CSMD1: variants seen among roughly 807,000 people sequenced by gnomAD.
The protein encoded by CSMD1 is CUB and Sushi multiple domains 1.
A neutral mutation model predicts 417.5 loss-of-function variants in CSMD1; 213 were observed. The observed-to-expected ratio is 0.51, with a 90% confidence interval of 0.46 to 0.57. The LOEUF is 0.57. Ranked by LOEUF, CSMD1 falls within the 20% of genes least tolerant of loss-of-function variation. The pLI is 0.00. For synonymous variants in CSMD1, 2,862 were observed against 1,736.8 expected, an observed-to-expected ratio of 1.65 and a Z score of -16.11; for missense variants, 6,923 against 4,529.7, an observed-to-expected ratio of 1.53 and a Z score of -15.17.
intron 28 of CSMD1, among the ~76,000 whole-genome samples, chr8:3,220,956 C>T (rs149732895): frequency 5.5e-4 from 84 of 152,272 alleles, no homozygotes; most frequent in African/African-American, 1.6e-3. Context: ...ATTTACAAAG[C>T]TCCTACTCCC....
intron 1 of CSMD1, among the ~76,000 whole-genome samples, chr8:4,852,455 T>C (rs1172768099): frequency 2.6e-5 from 4 of 152,168 alleles, no homozygotes; most frequent in Non-Finnish European, 2.9e-5. Context: ...CATGATTGAA[T>C]GCTTGATGAG....
At chr8:3,057,644 C>T (rs997119167) in intron 49 of CSMD1, among the ~76,000 whole-genome samples, 1 of 152,138 alleles carries the variant, frequency 6.6e-6, no homozygotes, top group Non-Finnish European at 1.5e-5. Context: ...GACTTTCTTA[C>T]AGATAAAGTT....
At chr8:3,632,282 T>C (rs975851751) in intron 7 of CSMD1, among the ~76,000 whole-genome samples, 1 of 152,194 alleles carries the variant, frequency 6.6e-6, no homozygotes, top group Non-Finnish European at 1.5e-5. Flanking sequence ...ACAGTGTTGG[T>C]TGGAGGCATT....
Position 4,902,444 on chromosome 8 carries a change from AAAG to A in CSMD1, c.85+91885_85+91887del, listed in dbSNP as rs1489702483. Among the ~76,000 whole-genome samples, 25 of 150,586 alleles carry A rather than the reference AAAG, an allele frequency of 1.7e-4. No individual in the cohort carries two copies. The East Asian group carries it at 4.9e-3, about 29-fold the overall frequency. On this transcript the variant is annotated intron_variant, in intron 1 of 69. Coordinates refer to ENST00000635120, the MANE Select transcript of CSMD1 (RefSeq NM_033225.6). ...CATCTCTAAAGAGGAGAAAAAAAAA[AAAG>A]AAAGGAAACTACTCTATAATCTTTT... is the stretch of plus-strand genomic sequence containing the variant.
At chr8:3,984,770 T>G (rs73494990) in intron 5 of CSMD1, among the ~76,000 whole-genome samples, 38,505 of 135,622 alleles carry the variant, frequency 0.28, 5,849 homozygotes, top group East Asian at 0.41. Flanking sequence ...TATTTGTGCG[T>G]GTGTGTGTGT....
intron 2 of CSMD1, among the ~76,000 whole-genome samples, chr8:4,584,664 C>T (rs118115423): frequency 0.012 from 1,833 of 152,156 alleles, 15 homozygotes; most frequent in Non-Finnish European, 0.019. Flanking sequence ...TGGCCATGAC[C>T]GGAACTCTCA....
In CSMD1 at chr8:3,480,224, T is replaced by G. The variant is rs1433639386; in HGVS notation, c.1449-11400A>C. Among the ~76,000 whole-genome samples the G allele has an allele frequency of 2.0e-5, 3 of 152,048 alleles. No individual in the cohort carries two copies. The South Asian group carries it at 6.2e-4, about 32-fold the overall frequency. ...AATACAAAAAAAAATTAGCTGGGTG[T>G]GGTGGCACACACCTGTAGTCCCTAC... On this transcript the variant is annotated intron_variant, in intron 11 of 69. Coordinates refer to ENST00000635120, the MANE Select transcript of CSMD1 (RefSeq NM_033225.6).
chr8:3,515,956 C>CA (rs1241475962), intron 10 of CSMD1, among the ~76,000 whole-genome samples: 1 of 152,130 alleles, frequency 6.6e-6, no homozygotes, highest in Admixed American at 6.5e-5. Flanking sequence ...AGTGACGTAC[C>CA]AAACTGTTCG....
At chr8:3,921,975 G>C (rs757151818) in intron 5 of CSMD1, among the ~76,000 whole-genome samples, 1 of 152,124 alleles carries the variant, frequency 6.6e-6, no homozygotes, top group African/African-American at 2.4e-5. Context: ...ATTTTGGAAA[G>C]CAGTGCATTA....
At chr8:4,825,291 T>C (rs1799760714) in intron 1 of CSMD1, among the ~76,000 whole-genome samples, 2 of 152,090 alleles carry the variant, frequency 1.3e-5, no homozygotes, top group African/African-American at 4.8e-5. Flanking sequence ...CTCAAGGATA[T>C]AAACAACTAT....
chr8:4,444,922 T>C (rs1405173130), intron 2 of CSMD1, among the ~76,000 whole-genome samples: 1 of 152,174 alleles, frequency 6.6e-6, no homozygotes, highest in Non-Finnish European at 1.5e-5. Context: ...ACATATTTGC[T>C]CCCTTCTTCA....
chr8:4,317,000 C>A (rs77639134), intron 3 of CSMD1, among the ~76,000 whole-genome samples: 1 of 152,158 alleles, frequency 6.6e-6, no homozygotes, highest in East Asian at 1.9e-4. Flanking sequence ...ATTGAGCATG[C>A]CAATACACTG....
At position 4,026,625 on chromosome 8, in the gene CSMD1, T is replaced by C. The variant is rs78129508; in HGVS notation, c.610+5280A>G. ...ACTCACAGTTTTAATGGTGGTATCTTATCTCCTGGGAAGCTACAAGCTAAC... is the reference window on the plus strand; with the variant it reads ...ACTCACAGTTTTAATGGTGGTATCTCATCTCCTGGGAAGCTACAAGCTAAC... On this transcript the variant is annotated intron_variant, in intron 4 of 69. Coordinates refer to ENST00000635120, the MANE Select transcript of CSMD1 (RefSeq NM_033225.6). Among the ~76,000 whole-genome samples the C allele has an allele frequency of 3.1e-3, 476 of 152,374 alleles. 2 individuals are homozygous for C. Among genetic ancestry groups the C allele is most frequent in the African/African-American group, 0.011 (441 of 41,592 alleles).
intron 2 of CSMD1, among the ~76,000 whole-genome samples, chr8:4,612,273 TCCCAAAGCTA>T (rs1405227238): frequency 6.6e-6 from 1 of 152,028 alleles, no homozygotes; most frequent in East Asian, 1.9e-4. Context: ...AATGAAGAGA[TCCCAAAGCTA>T]AAACTTCAAA....
rs370230530 is a variant in CSMD1 at position 3,126,906 on chromosome 8, G to A, written c.6242-8319C>T. Among the ~76,000 whole-genome samples the A allele has an allele frequency of 3.9e-5, 6 of 152,244 alleles. No homozygotes were observed. The East Asian group carries it at 9.7e-4, about 25-fold the overall frequency. The stretch of plus-strand genomic sequence containing the variant: ...GAGAGGCTTGCAGCAAGTGGAATGT[G>A]GAAATCTGAAGGTGCCTTCACCTAG... On this transcript the variant is annotated intron_variant, in intron 41 of 69. Transcript: ENST00000635120.
intron 7 of CSMD1, among the ~76,000 whole-genome samples, chr8:3,675,481 T>C (rs1799325177): frequency 6.6e-6 from 1 of 152,166 alleles, no homozygotes; most frequent in Admixed American, 6.5e-5. Flanking sequence ...GGACTGAATA[T>C]TTGTGTCCCA....
chr8:3,679,859 C>A lies in CSMD1; in HGVS notation c.1009+28555G>T, dbSNP rs190164346. Among the ~76,000 whole-genome samples, 7 of 152,248 alleles carry A rather than the reference C, an allele frequency of 4.6e-5. No individual in the cohort carries two copies. The East Asian group carries it at 1.4e-3, about 29-fold the overall frequency. ...TATCTCAGACCACAGTGCAATCAAA[C>A]AAGAACTCAGGATTAAGAAACTCAC... On this transcript the variant is annotated intron_variant, in intron 7 of 69. Transcript: ENST00000635120.
At chr8:4,980,662 G>A (rs892910651) in intron 1 of CSMD1, among the ~76,000 whole-genome samples, 3 of 152,122 alleles carry the variant, frequency 2.0e-5, no homozygotes, top group Admixed American at 1.3e-4. Context: ...TAGCACTTTG[G>A]GAGGCCAAAG....
chr8:3,738,462 T>A (rs1255759235), intron 6 of CSMD1, among the ~76,000 whole-genome samples: 1 of 152,212 alleles, frequency 6.6e-6, no homozygotes, highest in Non-Finnish European at 1.5e-5. Flanking sequence ...TTGAAGCTCA[T>A]ATGTGCAGTG....
Sources: gnomAD v4.1 joint callset for allele counts (sites outside exome capture counted in the v4.1 genomes callset) on GRCh38, gnomAD v4.1.1 for gene constraint, MANE v1.5 for transcripts, NCBI Gene and HGNC (gene_info 2026-07-23, HGNC 2026-07-21) for gene names.